CHIT1: variants seen among roughly 807,000 people sequenced by gnomAD.
The protein encoded by CHIT1 is chitinase 1, also known as chitotriosidase-1.
A neutral mutation model predicts 52.0 loss-of-function variants in CHIT1; 47 were observed. The observed-to-expected ratio is 0.90, with a 90% confidence interval of 0.71 to 1.15. The LOEUF is 1.15. Ranked by LOEUF, CHIT1 falls within the 50% of genes most tolerant of loss-of-function variation. CHIT1 has a pLI of 0.00. For synonymous variants in CHIT1, 242 were observed against 228.2 expected, an observed-to-expected ratio of 1.06 and a Z score of -0.54; for missense variants, 569 against 583.0, an observed-to-expected ratio of 0.98 and a Z score of 0.25.
chr1:203,222,335 G>T lies in CHIT1; in HGVS notation c.606-10C>A, dbSNP rs1301624521. The T allele has an allele frequency of 2.4e-5, 39 of 1,614,160 alleles. No homozygotes were observed. Among genetic ancestry groups the T allele is most frequent in the Non-Finnish European group, 3.1e-5 (37 of 1,180,024 alleles). ...GACAAAATCCAGGTTCCTGCAGGAG[G>T]CATGGAAGAGGAGGTGAGAAACAAG... On this transcript the variant is annotated splice_polypyrimidine_tract_variant and intron_variant, in intron 6 of 10. Transcript: ENST00000367229.
chr1:203,229,909 G>C (rs1657073477), upstream of CHIT1: 2 of 522,020 alleles, frequency 3.8e-6, no homozygotes, highest in Non-Finnish European at 7.1e-6. Context: ...AAGTGGCCCT[G>C]AACCTCCTGA....
intron 5 of CHIT1, 75 bp from the exon 6 acceptor site, chr1:203,223,334 T>A (rs1392704979): frequency 3.7e-6 from 6 of 1,611,906 alleles, no homozygotes; most frequent in Non-Finnish European, 4.2e-6. Flanking sequence ...CAGGTAGATG[T>A]TCACTTGTAG....
At chr1:203,221,822 G>C (rs561359098) in intron 7 of CHIT1, among the ~76,000 whole-genome samples, 1 of 152,104 alleles carries the variant, frequency 6.6e-6, no homozygotes, top group Non-Finnish European at 1.5e-5. Flanking sequence ...CCTTCCAGAA[G>C]GTCAACCAGT....
At chr1:203,228,946 C>T (rs1353216881) in intron 1 of CHIT1, among the ~76,000 whole-genome samples, 2 of 152,198 alleles carry the variant, frequency 1.3e-5, no homozygotes, top group African/African-American at 4.8e-5. Context: ...AAGAATCAAT[C>T]TGGAAGGGCT....
chr1:203,222,548 A>G (rs1211193289), intron 6 of CHIT1, among the ~76,000 whole-genome samples: 1 of 151,662 alleles, frequency 6.6e-6, no homozygotes, highest in East Asian at 1.9e-4. Flanking sequence ...TGTCACCCTC[A>G]CCCCACTGTC....
chr1:203,221,557 G>A (rs1488593088), intron 7 of CHIT1, among the ~76,000 whole-genome samples: 1 of 151,978 alleles, frequency 6.6e-6, no homozygotes, highest in Non-Finnish European at 1.5e-5. Context: ...GGAGGATGAA[G>A]CTGCAGTGAG....
intron 7 of CHIT1, 91 bp from the exon 8 acceptor site, chr1:203,219,940 C>T: frequency 4.1e-6 from 6 of 1,476,406 alleles, no homozygotes; most frequent in Non-Finnish European, 4.6e-6. Flanking sequence ...GCTAGGAGGG[C>T]AGGGGCTCCT....
Position 203,216,562 on chromosome 1 carries a change from G to A in CHIT1, c.*327C>T, listed in dbSNP as rs556164234. 2.1e-6 allele frequency: 1 copy of A among 478,392 alleles called. No homozygotes were observed. Among genetic ancestry groups the A allele is most frequent in the African/African-American group, 2.0e-5 (1 of 51,086 alleles). 29.6% of individuals were successfully genotyped at this position (478,392 alleles called of 1,614,324 possible). A position where few individuals can be genotyped will look rare whatever the true frequency, so the allele number is the denominator to read the frequency against. The stretch of plus-strand genomic sequence containing the variant: ...CTCATGGGGCAAGACCTGCCACAGG[G>A]CCTGGCACATCCTGCACGGACCACC... On this transcript the variant is annotated 3_prime_UTR_variant, in exon 11 of 11. Transcript: ENST00000367229.
intron 8 of CHIT1, 124 bp from the exon 9 acceptor site, chr1:203,219,453 G>A (rs1656652320): frequency 3.4e-6 from 3 of 870,960 alleles, no homozygotes; most frequent in Non-Finnish European, 3.9e-6. Context: ...AGAATCAGGA[G>A]GTTCTTTGCA....
intron 1 of CHIT1, among the ~76,000 whole-genome samples, chr1:203,229,086 C>T (rs1248087111): frequency 1.3e-5 from 2 of 152,162 alleles, no homozygotes; most frequent in Admixed American, 6.5e-5. Flanking sequence ...TCTGACAGGA[C>T]TCCTTCGAAG....
chr1:203,216,343 G>T lies in CHIT1; in HGVS notation c.*546C>A. 1 of 454,054 alleles carries T rather than the reference G, an allele frequency of 2.2e-6. No individual in the cohort carries two copies. Among genetic ancestry groups the T allele is most frequent in the South Asian group, 1.6e-5 (1 of 64,472 alleles). The allele number at this position is 454,054 out of a possible 1,614,324, so 28.1% of individuals were successfully genotyped here. ...TTAGTGTAATGCTGAGTGGCTGCTC[G>T]CAGAGCGCTTAAATCAGGGAAAAGT... On this transcript the variant is annotated 3_prime_UTR_variant, in exon 11 of 11. Coordinates refer to ENST00000367229, the MANE Select transcript of CHIT1 (RefSeq NM_003465.3).
chr1:203,224,913 C>T, intron 4 of CHIT1, 135 bp downstream of exon 4: 1 of 790,830 alleles, frequency 1.3e-6, no homozygotes, highest in South Asian at 1.4e-5. Flanking sequence ...ATTCAGCCCT[C>T]AGAGTTCAGC....
rs1344707140 is a variant in CHIT1 at position 203,219,717 on chromosome 1, A to G, written c.862T>C (p.Ser288Pro). 1 of 1,614,010 alleles carries G rather than the reference A, an allele frequency of 6.2e-7. No individual in the cohort carries two copies. Among genetic ancestry groups the G allele is most frequent in the East Asian group, 2.2e-5 (1 of 44,870 alleles). ...DTRVGAPATG[S>P]GTPGPFTKEG... ...TTGGTGAAGGGGCCTGGAGTGCCAG[A>G]CCCTGTGGCTGGGGCCCCCACTCTG... is the stretch of plus-strand genomic sequence containing the variant. The change falls in exon 8 of 11, where the codon TCT (serine) becomes CCT (proline). Residue 288 changes from serine to proline, a missense_variant. Coordinates refer to ENST00000367229, the MANE Select transcript of CHIT1 (RefSeq NM_003465.3).
intron 3 of CHIT1, 97 bp downstream of exon 3, chr1:203,225,572 G>T: frequency 8.0e-7 from 1 of 1,254,652 alleles, no homozygotes; most frequent in Non-Finnish European, 1.2e-6. Flanking sequence ...GTGGGTCTGT[G>T]GCAGGACCTT....
At chr1:203,228,984 G>A (rs867386526) in intron 1 of CHIT1, among the ~76,000 whole-genome samples, 7 of 152,222 alleles carry the variant, frequency 4.6e-5, no homozygotes, top group Admixed American at 3.3e-4. Flanking sequence ...CTCCTGGGGA[G>A]GGCCTGTGCC....
Position 203,219,264 on chromosome 1 carries a change from C to T in CHIT1, c.981G>A (p.Arg327=). The stretch of plus-strand genomic sequence containing the variant: ...CATCAAAGCCCACCCACTGGTTGTC[C>T]CGGAAGATGTAGGGCACCTTCTGAT... ...IQDQKVPYIF[R]DNQWVGFDDV... is the part of the protein sequence containing the mutation. Residue 327 remains arginine (R), a synonymous_variant, in exon 9 of 11, where the codon CGG becomes CGA. Coordinates refer to ENST00000367229, the MANE Select transcript of CHIT1 (RefSeq NM_003465.3). 6.2e-7 allele frequency: 1 copy of T among 1,603,616 alleles called. No individual in the cohort carries two copies. The highest frequency in any genetic ancestry group is 1.1e-5 in the South Asian group (1 of 90,854).
At chr1:203,217,264 G>A (rs1276801509) in intron 10 of CHIT1, 131 bp from the exon 11 acceptor site, 1 of 1,571,346 alleles carries the variant, frequency 6.4e-7, no homozygotes, top group South Asian at 1.1e-5. Context: ...AGTACAGCCA[G>A]ATACCCCAGG....
Position 203,220,307 on chromosome 1 carries a change from G to T in CHIT1, c.730-458C>A, listed in dbSNP as rs75978673. ...TTAAAGGTTATAATGCATGTAAAAG[G>T]TCAGCACAACGCAATAAAGGGTCGC... On this transcript the variant is annotated intron_variant, in intron 7 of 10. Coordinates refer to ENST00000367229, the MANE Select transcript of CHIT1 (RefSeq NM_003465.3). 9.1e-3 allele frequency among the ~76,000 whole-genome samples: 1,393 copies of T among 152,254 alleles called. 27 individuals are homozygous for T. Among genetic ancestry groups the T allele is most frequent in the East Asian group, 0.049 (254 of 5,184 alleles).
Position 203,228,534 on chromosome 1 carries a change from C to A in CHIT1, c.54G>T (p.Trp18Cys). 6.3e-7 allele frequency: 1 copy of A among 1,589,710 alleles called. No individual in the cohort carries two copies. Residue 18 changes from tryptophan to cysteine, a missense_variant and splice_region_variant, in exon 2 of 11, where the codon TGG (tryptophan) becomes TGT (cysteine). Coordinates refer to ENST00000367229, the MANE Select transcript of CHIT1 (RefSeq NM_003465.3). ...GCAGCCAAGAAAGAGGCTACTTACC[C>A]CATGGGATCATCAGCAGGACCATGA... ...AGFMVLLMIPWGSAAKLVCYF... is the reference protein window; with the variant it reads ...AGFMVLLMIPCGSAAKLVCYF...
Sources: gnomAD v4.1 joint callset for allele counts (sites outside exome capture counted in the v4.1 genomes callset) on GRCh38, gnomAD v4.1.1 for gene constraint, MANE v1.5 for transcripts, NCBI Gene and HGNC (gene_info 2026-07-23, HGNC 2026-07-21) for gene names.